The following SCOC variants were observed in gnomAD, a reference collection of about 807,000 sequenced individuals.
SCOC encodes the protein short coiled-coil protein, also known as short coiled coil protein.
Under a neutral mutation model 9.9 loss-of-function variants are expected in SCOC, and 7 were observed. The observed-to-expected ratio is 0.71, with a 90% confidence interval of 0.40 to 1.33. SCOC has a LOEUF of 1.33. SCOC is among the 40% of genes most tolerant of loss of function. The pLI is 0.01. For missense variants in SCOC, 66 were observed against 89.7 expected (o/e 0.74, Z 1.07); for synonymous variants, 19 against 28.2 (o/e 0.67, Z 1.03).
chr4:140,355,247 A>ATATC, intron 2 of SCOC, among the ~76,000 whole-genome samples: 1 of 147,186 alleles, frequency 6.8e-6, no homozygotes, highest in East Asian at 2.0e-4. Flanking sequence ...ATATATATAT[A>ATATC]TAATGTATAT....
chr4:140,359,000 T>A (rs1727348200), intron 2 of SCOC, among the ~76,000 whole-genome samples: 1 of 152,268 alleles, frequency 6.6e-6, no homozygotes. Flanking sequence ...ATTTTGCATT[T>A]TCATTCAGTG....
intron 1 of SCOC, among the ~76,000 whole-genome samples, chr4:140,274,004 T>A (rs1231756169): frequency 6.6e-6 from 1 of 152,256 alleles, no homozygotes; most frequent in Non-Finnish European, 1.5e-5. Flanking sequence ...TGCAGACATC[T>A]GTTTTCTATG....
intron 2 of SCOC, among the ~76,000 whole-genome samples, chr4:140,344,376 G>A (rs529672506): frequency 1.1e-4 from 17 of 152,232 alleles, no homozygotes; most frequent in African/African-American, 2.2e-4. Flanking sequence ...TTCCTTTAGC[G>A]CAATCATAGT....
chr4:140,366,775 T>A, intron 2 of SCOC: 3 of 1,411,120 alleles, frequency 2.1e-6, no homozygotes, highest in Non-Finnish European at 3.0e-6. Context: ...ATCAATAACA[T>A]CTACAGTTGC....
chr4:140,268,052 C>T (rs1389703057), intron 1 of SCOC, among the ~76,000 whole-genome samples: 1 of 152,154 alleles, frequency 6.6e-6, no homozygotes, highest in Non-Finnish European at 1.5e-5. Context: ...CTCTCCAGAA[C>T]GACATAAGCT....
intron 1 of SCOC, among the ~76,000 whole-genome samples, chr4:140,304,517 T>C (rs1353495160): frequency 6.6e-6 from 1 of 152,152 alleles, no homozygotes; most frequent in East Asian, 1.9e-4. Flanking sequence ...GTTGCGATAT[T>C]GGATGTTGCC....
At chr4:140,301,331 G>A (rs1452240093) in intron 1 of SCOC, among the ~76,000 whole-genome samples, 2 of 152,208 alleles carry the variant, frequency 1.3e-5, no homozygotes, top group African/African-American at 4.8e-5. Context: ...ACTGATCTCT[G>A]TGGATTTAGG....
At chr4:140,338,381 C>A (rs988324268) in intron 1 of SCOC, among the ~76,000 whole-genome samples, 17 of 152,236 alleles carry the variant, frequency 1.1e-4, no homozygotes, top group African/African-American at 2.4e-4. Context: ...CCCTTTGAAA[C>A]CTGGCACAAG....
chr4:140,301,749 A>G (rs1045754858), intron 1 of SCOC, among the ~76,000 whole-genome samples: 1 of 152,208 alleles, frequency 6.6e-6, no homozygotes, highest in Admixed American at 6.5e-5. Context: ...TTTTCCACGC[A>G]CTGTTTCCCT....
chr4:140,372,490 C>A (rs1728097361), upstream of SCOC, among the ~76,000 whole-genome samples: 2 of 152,168 alleles, frequency 1.3e-5, no homozygotes, highest in South Asian at 4.1e-4. Context: ...TGCCTGCATC[C>A]ATTCTCTCTA....
At chr4:140,286,793 A>T (rs1266125868) in intron 1 of SCOC, among the ~76,000 whole-genome samples, 1 of 152,200 alleles carries the variant, frequency 6.6e-6, no homozygotes, top group African/African-American at 2.4e-5. Flanking sequence ...GGAGTCACGC[A>T]GCCTCTAAGC....
At chr4:140,267,178 G>T (rs1730747334) in intron 1 of SCOC, among the ~76,000 whole-genome samples, 1 of 152,218 alleles carries the variant, frequency 6.6e-6, no homozygotes, top group African/African-American at 2.4e-5. Flanking sequence ...AAAGACACTG[G>T]TGAGTCAGCG....
At chr4:140,292,751 A>G (rs1195205240) in intron 1 of SCOC, among the ~76,000 whole-genome samples, 1 of 152,100 alleles carries the variant, frequency 6.6e-6, no homozygotes, top group Admixed American at 6.5e-5. Flanking sequence ...CCACCTCTGA[A>G]AGCTCTGAGG....
At chr4:140,265,543 C>G (rs72937761) in intron 1 of SCOC, among the ~76,000 whole-genome samples, 7,664 of 152,274 alleles carry the variant, frequency 0.05, 581 homozygotes, top group African/African-American at 0.16. Context: ...AAAAGGGAAA[C>G]TGACTTACAG....
In SCOC at chr4:140,317,973, T is replaced by A. The variant is rs1318538530; in HGVS notation, c.-18-25648T>A. On this transcript the variant is annotated intron_variant, in intron 1 of 4. Coordinates refer to the SCOC transcript ENST00000394205. ...GTTTGGTTTTTTGTTCTTGCGATAG[T>A]TTACTGAGAATGATGGTTTCCAATT... 8.2e-4 allele frequency among the ~76,000 whole-genome samples: 124 copies of A among 150,376 alleles called. 1 individual carries two copies. The highest frequency in any genetic ancestry group is 2.9e-3 in the African/African-American group (117 of 40,822).
intron 1 of SCOC, among the ~76,000 whole-genome samples, chr4:140,282,464 C>T (rs1302909900): frequency 6.6e-6 from 1 of 152,190 alleles, no homozygotes; most frequent in Non-Finnish European, 1.5e-5. Flanking sequence ...ATTTGCCTCC[C>T]CTGTCCCACC....
chr4:140,373,132 C>G (rs947285642), upstream of SCOC: 2 of 378,678 alleles, frequency 5.3e-6, no homozygotes, highest in African/African-American at 4.4e-5. Flanking sequence ...TTTCCGATTT[C>G]GGAAATAAGA....
rs562785376 is a variant in SCOC, at chr4:140,383,384, T to G, written c.*2280T>G. 1.2e-4 allele frequency: 19 copies of G among 152,356 alleles called. No individual in the cohort carries two copies. Among genetic ancestry groups the G allele is most frequent in the Admixed American group, 9.2e-4 (14 of 15,300 alleles). The allele number at this position is 152,356 out of a possible 1,614,324, so 9.4% of individuals were successfully genotyped here. On this transcript the variant is annotated 3_prime_UTR_variant, in exon 4 of 4. Coordinates refer to ENST00000608372, the MANE Select transcript of SCOC (RefSeq NM_001153484.2). ...CTAAACTGATAGGCAAATTATTTGC[T>G]CTCACCCTTGCTGCTGCCCATTTAT...
intron 1 of SCOC, among the ~76,000 whole-genome samples, chr4:140,268,018 G>A (rs1730768338): frequency 6.6e-6 from 1 of 152,194 alleles, no homozygotes; most frequent in Non-Finnish European, 1.5e-5. Flanking sequence ...GGACAGTCCA[G>A]TATGTGGCTT....
Sources: gnomAD v4.1 joint callset for allele counts (sites outside exome capture counted in the v4.1 genomes callset) on GRCh38, gnomAD v4.1.1 for gene constraint, MANE v1.5 for transcripts, NCBI Gene and HGNC (gene_info 2026-07-23, HGNC 2026-07-21) for gene names.